Variants in PTPRD observed in about 807,000 individuals in gnomAD.
PTPRD encodes receptor-type tyrosine-protein phosphatase delta.
Under a neutral mutation model 214.5 loss-of-function variants are expected in PTPRD, and 34 were observed. That is an observed-to-expected ratio of 0.16 (90% confidence interval 0.12 to 0.21). PTPRD has a LOEUF of 0.21. Among genes scored for constraint, PTPRD ranks in the 10% least tolerant of loss-of-function variants. The probability of loss-of-function intolerance (pLI) is 1.00; values close to 1 mark genes in which losing one functional copy is unlikely to be tolerated. For synonymous variants in PTPRD, 1,128 were observed against 845.7 expected, an observed-to-expected ratio of 1.33 and a Z score of -5.79; for missense variants, 2,545 against 2,398.7, an observed-to-expected ratio of 1.06 and a Z score of -1.27.
At chr9:9,898,696 G>T (rs181734803) in intron 5 of PTPRD, among the ~76,000 whole-genome samples, 1 of 152,136 alleles carries the variant, frequency 6.6e-6, no homozygotes, top group Admixed American at 6.6e-5. Flanking sequence ...GAGATATTTG[G>T]CATAGAAATG....
chr9:9,474,182 C>T (rs1298881012), intron 8 of PTPRD, among the ~76,000 whole-genome samples: 1 of 152,020 alleles, frequency 6.6e-6, no homozygotes, highest in African/African-American at 2.4e-5. Context: ...ATATGGATAT[C>T]CAGTTTTCCA....
chr9:8,472,378 T>A (rs1305201774), intron 30 of PTPRD, among the ~76,000 whole-genome samples: 1 of 152,152 alleles, frequency 6.6e-6, no homozygotes, highest in East Asian at 1.9e-4. Flanking sequence ...TCACACTGAA[T>A]CACAGAGACC....
At chr9:9,542,128 G>GA (rs1003732238) in intron 8 of PTPRD, among the ~76,000 whole-genome samples, 6 of 151,198 alleles carry the variant, frequency 4.0e-5, no homozygotes, top group Non-Finnish European at 8.9e-5. Context: ...GATACTTACA[G>GA]AAAAAAACGA....
intron 2 of PTPRD, among the ~76,000 whole-genome samples, chr9:10,597,819 T>C (rs755479900): frequency 1.3e-5 from 2 of 151,870 alleles, no homozygotes; most frequent in Non-Finnish European, 2.9e-5. Context: ...ATAAACTTTC[T>C]AGTGAATAAT....
At chr9:9,348,063 G>C (rs1206178890) in intron 9 of PTPRD, among the ~76,000 whole-genome samples, 2 of 152,092 alleles carry the variant, frequency 1.3e-5, no homozygotes, top group Admixed American at 6.6e-5. Context: ...CAAAATCCAA[G>C]TGTGCACAAT....
chr9:9,013,452 G>A (rs1378719583), intron 11 of PTPRD, among the ~76,000 whole-genome samples: 1 of 152,128 alleles, frequency 6.6e-6, no homozygotes, highest in Non-Finnish European at 1.5e-5. Flanking sequence ...TTACTTCTAT[G>A]TTTGGTAACA....
chr9:9,243,508 T>G (rs145205540), intron 9 of PTPRD, among the ~76,000 whole-genome samples: 29 of 151,998 alleles, frequency 1.9e-4, no homozygotes, highest in Non-Finnish European at 4.1e-4. Context: ...ATAAACGTAA[T>G]CCAGCATATA....
At chr9:9,976,086 T>C (rs1016557264) in intron 4 of PTPRD, among the ~76,000 whole-genome samples, 2 of 152,090 alleles carry the variant, frequency 1.3e-5, no homozygotes, top group Non-Finnish European at 2.9e-5. Context: ...AGATGAAACA[T>C]AGGAACCATT....
chr9:8,462,049 A>T (rs903236713), intron 32 of PTPRD, among the ~76,000 whole-genome samples: 9 of 151,952 alleles, frequency 5.9e-5, no homozygotes, highest in Non-Finnish European at 1.3e-4. Context: ...TCCATGCAGA[A>T]TCTGTCTCTT....
intron 5 of PTPRD, among the ~76,000 whole-genome samples, chr9:9,814,990 G>A (rs780317267): frequency 2.6e-5 from 4 of 151,514 alleles, no homozygotes; most frequent in African/African-American, 7.3e-5. Context: ...TCAAACTCCT[G>A]GGCTCAAGTG....
intron 14 of PTPRD, among the ~76,000 whole-genome samples, chr9:8,551,599 G>T (rs1011383850): frequency 1.9e-4 from 29 of 152,132 alleles, no homozygotes; most frequent in Admixed American, 1.3e-3. Context: ...ATTTTAAGTA[G>T]CTTCAGATTA....
At chr9:8,986,049 T>C (rs2099343643) in intron 11 of PTPRD, among the ~76,000 whole-genome samples, 1 of 152,040 alleles carries the variant, frequency 6.6e-6, no homozygotes, top group Non-Finnish European at 1.5e-5. Flanking sequence ...ACTTTTTGAG[T>C]CTGTTGGAAA....
chr9:10,579,147 A>C (rs940553401), intron 2 of PTPRD, among the ~76,000 whole-genome samples: 21 of 152,106 alleles, frequency 1.4e-4, no homozygotes, highest in African/African-American at 5.1e-4. Context: ...GCCATAAAAA[A>C]AGAATGAGAT....
chr9:10,412,999 C>T (rs570921955), intron 2 of PTPRD, among the ~76,000 whole-genome samples: 9 of 151,938 alleles, frequency 5.9e-5, no homozygotes, highest in African/African-American at 2.2e-4. Context: ...GACCCACAAC[C>T]AACATCATAC....
intron 5 of PTPRD, among the ~76,000 whole-genome samples, chr9:9,771,293 A>G (rs1333477376): frequency 6.6e-6 from 1 of 152,144 alleles, no homozygotes; most frequent in Non-Finnish European, 1.5e-5. Context: ...GGTATCTGAT[A>G]GTTAACACAT....
intron 9 of PTPRD, among the ~76,000 whole-genome samples, chr9:9,346,074 C>G (rs573258885): frequency 2.0e-5 from 3 of 152,178 alleles, no homozygotes; most frequent in South Asian, 2.1e-4. Context: ...AGCTCCCTCA[C>G]GTAGTGCTGT....
intron 9 of PTPRD, among the ~76,000 whole-genome samples, chr9:9,390,632 C>T (rs536627658): frequency 6.6e-6 from 1 of 152,246 alleles, no homozygotes; most frequent in South Asian, 2.1e-4. Context: ...GGAGATAACT[C>T]TTGGACAAGT....
chr9:9,917,050 G>A (rs1176606420), intron 5 of PTPRD, among the ~76,000 whole-genome samples: 3 of 151,334 alleles, frequency 2.0e-5, no homozygotes, highest in East Asian at 1.9e-4. Context: ...CCTATGGAAT[G>A]CAGCAAAAGT....
intron 4 of PTPRD, among the ~76,000 whole-genome samples, chr9:9,992,011 C>A (rs993637765): frequency 1.1e-4 from 16 of 152,110 alleles, no homozygotes; most frequent in African/African-American, 3.6e-4. Flanking sequence ...TGAAAGGAGT[C>A]AGTCATTATA....
Sources: gnomAD v4.1 joint callset for allele counts (sites outside exome capture counted in the v4.1 genomes callset) on GRCh38, gnomAD v4.1.1 for gene constraint, MANE v1.5 for transcripts, NCBI Gene and HGNC (gene_info 2026-07-23, HGNC 2026-07-21) for gene names.